Variants in SEZ6 observed in about 807,000 individuals in gnomAD.
The protein encoded by SEZ6 is seizure related 6 homolog.
SEZ6 carries 53 observed loss-of-function variants against 101.0 expected under a neutral mutation model. The observed-to-expected ratio is 0.52, with a 90% CI of 0.42 to 0.66. The LOEUF (loss-of-function observed/expected upper bound fraction) is 0.66. Among genes scored for constraint, SEZ6 ranks in the 30% least tolerant of loss-of-function variants. The probability of loss-of-function intolerance (pLI) is 0.00; values close to 1 mark genes in which losing one functional copy is unlikely to be tolerated. For missense variants in SEZ6, 1,102 were observed against 1,289.4 expected (o/e 0.85, Z 2.23); for synonymous variants, 488 against 512.2 (o/e 0.95, Z 0.64).
intron 4 of SEZ6, among the ~76,000 whole-genome samples, chr17:28,966,381 G>A (rs564688111): frequency 3.9e-4 from 59 of 152,054 alleles, no homozygotes; most frequent in East Asian, 1.4e-3. Context: ...TACTTGGGAG[G>A]CTGAGGCAGG....
intron 1 of SEZ6, among the ~76,000 whole-genome samples, chr17:28,993,519 A>C (rs1026084060): frequency 1.3e-5 from 2 of 152,228 alleles, no homozygotes; most frequent in African/African-American, 4.8e-5. Flanking sequence ...AGCTGGGACA[A>C]GGAAGGATGT....
rs1455316892 is a variant in SEZ6, at chr17:28,956,935, G to A, written c.2692+110C>T. On this transcript the variant is annotated intron_variant, in intron 13 of 16. Transcript: ENST00000317338. ...TCTGGCAGAGACTGGGGAGACCAAG[G>A]GTAACATGAAGGTGGCATGGGCAGG... is the stretch of plus-strand genomic sequence containing the variant. 3 of 1,371,724 alleles carry A rather than the reference G, an allele frequency of 2.2e-6. No individual in the cohort carries two copies. In the African/African-American group the frequency reaches 4.3e-5, roughly 20 times the overall value. 85.0% of individuals were successfully genotyped at this position (1,371,724 alleles called of 1,614,324 possible). A position where few individuals can be genotyped will look rare whatever the true frequency, so the allele number is the denominator to read the frequency against.
At chr17:29,001,241 C>A (rs1568005718) in intron 1 of SEZ6, among the ~76,000 whole-genome samples, 1 of 152,338 alleles carries the variant, frequency 6.6e-6, no homozygotes, top group South Asian at 2.1e-4. Context: ...TCTAACCAAG[C>A]AGCTGACCCT....
At chr17:28,979,612 A>G (rs1197062167) in intron 3 of SEZ6, 68 bp downstream of exon 3, 2 of 1,606,132 alleles carry the variant, frequency 1.2e-6, no homozygotes, top group African/African-American at 1.3e-5. Flanking sequence ...CTCTCATAGC[A>G]TGTGCCTCTC....
At position 28,961,981 on chromosome 17, in the gene SEZ6, TG is replaced by T. The variant is rs139788387; in HGVS notation, c.1241-1009del. On this transcript the variant is annotated intron_variant, in intron 5 of 16. Transcript: ENST00000317338. ...GACCTGCCTCAGCTTGGTCTCAGAA[TG>T]GAACTGCCCTTCAAATCTGATCATG... is the stretch of plus-strand genomic sequence containing the variant. 3.8e-3 allele frequency among the ~76,000 whole-genome samples: 577 copies of T among 152,310 alleles called. 6 individuals are homozygous for T. The highest frequency in any genetic ancestry group is 0.014 in the African/African-American group (562 of 41,568).
At position 28,959,173 on chromosome 17, in the gene SEZ6, G is replaced by C. The variant is rs1567982327; in HGVS notation, c.1959C>G (p.Asp653Glu). ...GDVLTFYDGD[D>E]LTARVLGQYS... ...ACTGGCCCAGAACCCGGGCCGTCAG[G>C]TCATCCCCATCATAGAAGGTAAGCA... The change falls in exon 10 of 17, where the codon GAC becomes GAG. Residue 653 changes from aspartate to glutamate, a missense_variant. Physicochemically the swap from Asp to Glu is conservative, Grantham distance 45. This residue lies in a region of SEZ6 where 556 missense variants were observed against 735.1 expected (regional missense o/e 0.76). Coordinates refer to ENST00000317338, the MANE Select transcript of SEZ6 (RefSeq NM_178860.5). This position sits in a 1 kb window ranked among gnomAD's most constrained non-coding sequence, Gnocchi z 4.4. The C allele has an allele frequency of 1.2e-6, 2 of 1,613,528 alleles. No individual in the cohort carries two copies. The highest frequency in any genetic ancestry group is 1.7e-6 in the Non-Finnish European group (2 of 1,179,736).
intron 4 of SEZ6, among the ~76,000 whole-genome samples, chr17:28,967,444 G>A (rs540941872): frequency 1.1e-4 from 16 of 152,286 alleles, no homozygotes; most frequent in Non-Finnish European, 2.4e-4. Flanking sequence ...TTCCTCATTT[G>A]AAGTAGAAAC....
rs1415562228 is a variant in SEZ6 at position 28,956,482 on chromosome 17, G to A, written c.2732-15C>T. 3.2e-6 allele frequency: 5 copies of A among 1,547,590 alleles called. No homozygotes were observed. In the Admixed American group the frequency reaches 5.9e-5, roughly 18 times the overall value. On this transcript the variant is annotated splice_polypyrimidine_tract_variant and intron_variant, in intron 14 of 16. Coordinates refer to ENST00000317338, the MANE Select transcript of SEZ6 (RefSeq NM_178860.5). Reference sequence around the variant, plus strand: ...TGCCTTGGCAACTGAAGACACAGAGGGTGTGACTGGAGCAGAGGTCTCTGT... The same window carrying A: ...TGCCTTGGCAACTGAAGACACAGAGAGTGTGACTGGAGCAGAGGTCTCTGT...
intron 3 of SEZ6, among the ~76,000 whole-genome samples, chr17:28,977,956 G>A (rs1203965080): frequency 1.3e-5 from 2 of 152,196 alleles, no homozygotes; most frequent in African/African-American, 4.8e-5. Flanking sequence ...GGGGCACAGG[G>A]CTTGGCAGAG....
intron 1 of SEZ6, among the ~76,000 whole-genome samples, chr17:28,998,380 T>G (rs773697378): frequency 6.6e-6 from 1 of 151,290 alleles, no homozygotes; most frequent in Non-Finnish European, 1.5e-5. Flanking sequence ...ATGCCAAGGT[T>G]GATGCCACAG....
chr17:28,960,271 T>G (rs2040954586), intron 7 of SEZ6: 1 of 614,492 alleles, frequency 1.6e-6, no homozygotes, highest in Non-Finnish European at 2.8e-6. Context: ...GAGAATTTAT[T>G]CCCTTGGACC....
In SEZ6 at chr17:28,956,818, C is replaced by T. The variant is rs921169586; in HGVS notation, c.2693-61G>A. 1.1e-5 allele frequency: 17 copies of T among 1,531,684 alleles called. No homozygotes were observed. The South Asian group carries it at 1.6e-4, about 14-fold the overall frequency. 94.9% of individuals were successfully genotyped at this position (1,531,684 alleles called of 1,614,324 possible). On this transcript the variant is annotated intron_variant, in intron 13 of 16. Coordinates refer to ENST00000317338, the MANE Select transcript of SEZ6 (RefSeq NM_178860.5). ...AGCCCAATGGGCCAAACCACTAAGGCAGGGAGAGGAGGTAGTGGGATGATC... is the reference window on the plus strand; with the variant it reads ...AGCCCAATGGGCCAAACCACTAAGGTAGGGAGAGGAGGTAGTGGGATGATC...
At chr17:28,992,095 C>G (rs1477099434) in intron 1 of SEZ6, among the ~76,000 whole-genome samples, 1 of 152,226 alleles carries the variant, frequency 6.6e-6, no homozygotes, top group Non-Finnish European at 1.5e-5. Flanking sequence ...ACAGGAGAGG[C>G]ACTCACATTT....
intron 10 of SEZ6, 109 bp downstream of exon 10, chr17:28,958,916 T>C: frequency 7.9e-7 from 1 of 1,268,196 alleles, no homozygotes; most frequent in East Asian, 2.5e-5. Flanking sequence ...CCTGGTGCTT[T>C]TCCAGCTTAC....
At chr17:28,967,911 A>G (rs2041095188) in intron 4 of SEZ6, among the ~76,000 whole-genome samples, 1 of 151,996 alleles carries the variant, frequency 6.6e-6, no homozygotes. Context: ...CTGTTGAGTT[A>G]TTTTCTCACT....
rs3052131 is a variant in SEZ6 at position 28,979,880 on chromosome 17, C to CGTGTGTGT, written c.725-75_725-68dup. On this transcript the variant is annotated intron_variant, in intron 2 of 16. Coordinates refer to ENST00000317338, the MANE Select transcript of SEZ6 (RefSeq NM_178860.5). ...TGAAGTGGTCCAACTAAGGCTGAAC[C>CGTGTGTGT]GTGTGTGTGTGTGTGTGTGTGTGTG... 561 of 857,856 alleles carry CGTGTGTGT rather than the reference C, an allele frequency of 6.5e-4. 1 individual carries two copies. The highest frequency in any genetic ancestry group is 2.9e-3 in the African/African-American group (162 of 55,152). The allele number at this position is 857,856 out of a possible 1,614,324, so 53.1% of individuals were successfully genotyped here.
chr17:29,000,800 T>A (rs1297778798), intron 1 of SEZ6, among the ~76,000 whole-genome samples: 1 of 151,986 alleles, frequency 6.6e-6, no homozygotes, highest in Non-Finnish European at 1.5e-5. Flanking sequence ...CCATTAGGGG[T>A]AGTGGGTGGG....
Position 28,981,355 on chromosome 17 carries a change from C to T in SEZ6, c.724+16G>A, listed in dbSNP as rs963794655. On this transcript the variant is annotated intron_variant, in intron 2 of 16. Coordinates refer to ENST00000317338, the MANE Select transcript of SEZ6 (RefSeq NM_178860.5). ...CCATCCCCATTTCCACATCTGCAAG[C>T]CAGCAGGTAGCTGACCTGGTGTCTG... The T allele has an allele frequency of 3.3e-6, 5 of 1,531,856 alleles. No homozygotes were observed. Among genetic ancestry groups the T allele is most frequent in the Non-Finnish European group, 4.4e-6 (5 of 1,134,100 alleles). 94.9% of individuals were successfully genotyped at this position (1,531,856 alleles called of 1,614,324 possible). A position where few individuals can be genotyped will look rare whatever the true frequency, so the allele number is the denominator to read the frequency against.
intron 1 of SEZ6, among the ~76,000 whole-genome samples, chr17:28,996,010 CTT>C (rs1196667713): frequency 1.4e-5 from 2 of 145,826 alleles, no homozygotes; most frequent in African/African-American, 2.5e-5. Context: ...GCCTTATTTC[CTT>C]TTTTTTTTTG....
Sources: gnomAD v4.1 joint callset for allele counts (sites outside exome capture counted in the v4.1 genomes callset) on GRCh38, gnomAD v4.1.1 for gene constraint, gnomAD v4.1.1 regional missense constraint, Gnocchi (gnomAD v3.1) non-coding constraint, MANE v1.5 for transcripts, NCBI Gene and HGNC (gene_info 2026-07-23, HGNC 2026-07-21) for gene names.